The following PDE11A variants were observed in gnomAD, a reference collection of about 807,000 sequenced individuals.
PDE11A encodes phosphodiesterase 11A, also known as dual 3',5'-cyclic-AMP and -GMP phosphodiesterase 11A.
In PDE11A, 100 loss-of-function variants were observed where a neutral mutation model predicts 100.5. That is an observed-to-expected ratio of 1.00 (90% CI 0.85 to 1.18). The LOEUF is 1.18. Among genes scored for constraint, PDE11A ranks in the 50% most tolerant of loss-of-function variants. The pLI is 0.00. For missense variants in PDE11A, 1,141 were observed against 1,152.6 expected, an observed-to-expected ratio of 0.99 and a Z score of 0.15; for synonymous variants, 381 against 420.8, an observed-to-expected ratio of 0.91 and a Z score of 1.16.
intron 9 of PDE11A, among the ~76,000 whole-genome samples, chr2:177,810,479 T>C (rs1052435811): frequency 6.6e-6 from 1 of 152,168 alleles, no homozygotes; most frequent in African/African-American, 2.4e-5. Context: ...ATTTACATTG[T>C]GCTTTGAATG....
Position 177,954,469 on chromosome 2 carries a change from T to C in PDE11A, c.1072-49282A>G, listed in dbSNP as rs2085537725. 2.6e-5 allele frequency among the ~76,000 whole-genome samples: 4 copies of C among 152,294 alleles called. No individual in the cohort carries two copies. The South Asian group carries it at 8.3e-4, about 32-fold the overall frequency. ...GTAATTAGAGCAGCAGACAAAATGC[T>C]GGAAGATTCAATAGTTCTTGAAGTC... On this transcript the variant is annotated intron_variant, in intron 2 of 19. Transcript: ENST00000286063.
Position 177,629,278 on chromosome 2 carries a change from G to C in PDE11A, c.*129C>G, listed in dbSNP as rs1280768408. ...GACCATGCTTCAAGGTGAAAGCCCAGGCATGCTTCCCAGTGCATCCTTGAG... is the reference window on the plus strand; with the variant it reads ...GACCATGCTTCAAGGTGAAAGCCCACGCATGCTTCCCAGTGCATCCTTGAG... On this transcript the variant is annotated 3_prime_UTR_variant, in exon 20 of 20. Coordinates refer to ENST00000286063, the MANE Select transcript of PDE11A (RefSeq NM_016953.4). 2.3e-6 allele frequency: 2 copies of C among 857,334 alleles called. No individual in the cohort carries two copies. The highest frequency in any genetic ancestry group is 3.3e-5 in the African/African-American group (2 of 60,804). The allele number at this position is 857,334 out of a possible 1,614,324, so 53.1% of individuals were successfully genotyped here.
In PDE11A at chr2:178,067,413, C is replaced by G. The variant is rs550703821; in HGVS notation, c.912+4113G>C. On this transcript the variant is annotated intron_variant, in intron 1 of 19. Coordinates refer to ENST00000286063, the MANE Select transcript of PDE11A (RefSeq NM_016953.4). ...CTTACTTTTGCAAATCATTCTATGACAATAGAATGTCATATATATGCAATA... is the reference window on the plus strand; with the variant it reads ...CTTACTTTTGCAAATCATTCTATGAGAATAGAATGTCATATATATGCAATA... Among the ~76,000 whole-genome samples, 9 of 152,262 alleles carry G rather than the reference C, an allele frequency of 5.9e-5. No homozygotes were observed. The South Asian group carries it at 1.2e-3, about 21-fold the overall frequency.
intron 12 of PDE11A, among the ~76,000 whole-genome samples, chr2:177,715,293 GA>G (rs897411400): frequency 2.6e-5 from 4 of 152,186 alleles, no homozygotes; most frequent in African/African-American, 4.8e-5. Flanking sequence ...CTAATACTTT[GA>G]ATGTTATTTG....
Position 178,078,070 on chromosome 2 carries a change from T to C in PDE11A, c.162+26232A>G, listed in dbSNP as rs903558093. Among the ~76,000 whole-genome samples, 3 of 152,080 alleles carry C rather than the reference T, an allele frequency of 2.0e-5. No homozygotes were observed. The South Asian group carries it at 6.2e-4, about 32-fold the overall frequency. On this transcript the variant is annotated intron_variant, in intron 2 of 20. Transcript: ENST00000358450. ...AGCCCTAGGAAACGAATGCAAGAGC[T>C]TTCTTCATTGCACCTTTATTTTCCA...
At chr2:177,749,463 G>C (rs757381370) in intron 10 of PDE11A, among the ~76,000 whole-genome samples, 2 of 152,014 alleles carry the variant, frequency 1.3e-5, no homozygotes, top group African/African-American at 2.4e-5. Context: ...ACAAACATTA[G>C]ATTTATATTT....
rs556981584 is a variant in PDE11A, at chr2:177,750,926, T to C, written c.1788+18397A>G. On this transcript the variant is annotated intron_variant, in intron 10 of 19. Transcript: ENST00000286063. ...CTCTATTACAGAATCGCCTGGGGGC[T>C]TAAAAAGTATATCAATTCTGGCCCA... 1.2e-3 allele frequency among the ~76,000 whole-genome samples: 179 copies of C among 152,286 alleles called. 1 individual carries two copies. The highest frequency in any genetic ancestry group is 2.2e-3 in the Non-Finnish European group (151 of 68,014).
intron 19 of PDE11A, among the ~76,000 whole-genome samples, chr2:177,637,433 A>G (rs1484642423): frequency 6.6e-6 from 1 of 151,928 alleles, no homozygotes; most frequent in East Asian, 1.9e-4. Context: ...CACACTCTCC[A>G]TCTCTCCAAT....
intron 2 of PDE11A, among the ~76,000 whole-genome samples, chr2:177,951,301 T>C (rs1413901219): frequency 6.6e-6 from 1 of 152,262 alleles, no homozygotes; most frequent in Non-Finnish European, 1.5e-5. Flanking sequence ...GAGGCTTTAA[T>C]AGCTGGATTC....
intron 2 of PDE11A, among the ~76,000 whole-genome samples, chr2:177,908,949 G>A (rs1273478671): frequency 3.3e-5 from 5 of 152,168 alleles, no homozygotes; most frequent in Non-Finnish European, 7.3e-5. Flanking sequence ...AAGAAAGCAT[G>A]CAAATCAGAT....
chr2:177,967,676 A>G (rs1441820514), intron 2 of PDE11A, among the ~76,000 whole-genome samples: 1 of 151,838 alleles, frequency 6.6e-6, no homozygotes, highest in Non-Finnish European at 1.5e-5. Context: ...CCTGGCCCCA[A>G]TCTACTGTCT....
intron 2 of PDE11A, among the ~76,000 whole-genome samples, chr2:177,989,106 T>C (rs1023201663): frequency 2.6e-5 from 4 of 152,254 alleles, no homozygotes; most frequent in Admixed American, 2.6e-4. Flanking sequence ...GATTCAGTTG[T>C]ATTACTCAGC....
At chr2:177,676,657 C>T (rs1043637310) in intron 16 of PDE11A, among the ~76,000 whole-genome samples, 12 of 152,338 alleles carry the variant, frequency 7.9e-5, no homozygotes, top group African/African-American at 2.6e-4. Flanking sequence ...ATTGATGAAA[C>T]CTCTAATTCC....
chr2:177,911,609 C>A (rs373805367), intron 2 of PDE11A, among the ~76,000 whole-genome samples: 1 of 152,128 alleles, frequency 6.6e-6, no homozygotes, highest in Non-Finnish European at 1.5e-5. Flanking sequence ...TGGGGCCAGG[C>A]GCGGTGGCTT....
chr2:177,942,395 TTTTTAAAATTA>T (rs1038539515), intron 2 of PDE11A, among the ~76,000 whole-genome samples: 2 of 120,152 alleles, frequency 1.7e-5, no homozygotes, highest in African/African-American at 6.2e-5. Flanking sequence ...AAACCATTAT[TTTTTAAAATTA>T]TTTTTTTTTT....
At chr2:177,788,306 T>A (rs902984692) in intron 9 of PDE11A, among the ~76,000 whole-genome samples, 3 of 143,542 alleles carry the variant, frequency 2.1e-5, no homozygotes, top group Admixed American at 2.0e-4. Flanking sequence ...CGTAATGAAA[T>A]GAAGGCAGAA....
chr2:177,849,012 C>T (rs16865839), intron 5 of PDE11A, among the ~76,000 whole-genome samples: 8 of 152,196 alleles, frequency 5.3e-5, no homozygotes, highest in Admixed American at 2.6e-4. Context: ...CTCAACATAA[C>T]AGTTTACTTA....
chr2:177,835,793 G>A (rs941824774), intron 6 of PDE11A, among the ~76,000 whole-genome samples: 1 of 152,186 alleles, frequency 6.6e-6, no homozygotes, highest in South Asian at 2.1e-4. Flanking sequence ...GCCGGCCCTG[G>A]GCAGTGAGGG....
intron 19 of PDE11A, among the ~76,000 whole-genome samples, chr2:177,640,029 G>C (rs969738930): frequency 1.3e-5 from 2 of 152,280 alleles, no homozygotes; most frequent in East Asian, 3.9e-4. Context: ...AAAGGACAAA[G>C]AGAGAAGATG....
Sources: allele counts gnomAD v4.1 joint callset (sites outside exome capture counted in the v4.1 genomes callset), GRCh38; gene constraint gnomAD v4.1.1; transcripts MANE v1.5; gene names NCBI Gene and HGNC (gene_info 2026-07-23, HGNC 2026-07-21).